The following IAPP variants were observed in gnomAD, a reference collection of about 807,000 sequenced individuals.
IAPP encodes islet amyloid polypeptide.
IAPP carries 4 observed loss-of-function variants against 2.9 expected under a neutral mutation model. The observed-to-expected ratio is 1.39, with a 90% CI of 0.69 to 3.19. The LOEUF (loss-of-function observed/expected upper bound fraction) is 3.19. Ranked by LOEUF, IAPP falls within the 30% of genes most tolerant of loss-of-function variation. The pLI is 0.01. For synonymous variants in IAPP, 40 were observed against 42.1 expected, an observed-to-expected ratio of 0.95 and a Z score of 0.19; for missense variants, 114 against 105.3, an observed-to-expected ratio of 1.08 and a Z score of -0.36.
At chr12:21,367,054 T>C (rs1162474377) in intron 1 of IAPP, among the ~76,000 whole-genome samples, 3 of 152,116 alleles carry the variant, frequency 2.0e-5, no homozygotes, top group Non-Finnish European at 4.4e-5. Context: ...CATATCAGCC[T>C]GAATTTAAAT....
chr12:21,378,668 G>A lies in IAPP; in HGVS notation c.*242G>A, dbSNP rs1469793742. 7 of 431,556 alleles carry A rather than the reference G, an allele frequency of 1.6e-5. No homozygotes were observed. The highest frequency in any genetic ancestry group is 5.9e-5 in the African/African-American group (3 of 50,728). 26.7% of individuals were successfully genotyped at this position (431,556 alleles called of 1,614,324 possible). A position where few individuals can be genotyped will look rare whatever the true frequency, so the allele number is the denominator to read the frequency against. Reference sequence around the variant, plus strand: ...GATTTGTATTTTAAAACATAAGAACGTCATTTTGGGACCTATATCTCAGTG... The same window carrying A: ...GATTTGTATTTTAAAACATAAGAACATCATTTTGGGACCTATATCTCAGTG... On this transcript the variant is annotated 3_prime_UTR_variant, in exon 3 of 3. Transcript: ENST00000240652.
Position 21,378,678 on chromosome 12 carries a change from G to A in IAPP, c.*252G>A. ...TTAAAACATAAGAACGTCATTTTGG[G>A]ACCTATATCTCAGTGGCACAGGTTT... On this transcript the variant is annotated 3_prime_UTR_variant, in exon 3 of 3. Transcript: ENST00000240652. 2.4e-6 allele frequency: 1 copy of A among 411,150 alleles called. No individual in the cohort carries two copies. The highest frequency in any genetic ancestry group is 4.4e-6 in the Non-Finnish European group (1 of 227,438). 25.5% of individuals were successfully genotyped at this position (411,150 alleles called of 1,614,324 possible). A position where few individuals can be genotyped will look rare whatever the true frequency, so the allele number is the denominator to read the frequency against.
intron 1 of IAPP, among the ~76,000 whole-genome samples, chr12:21,365,922 G>A (rs1034525222): frequency 1.3e-5 from 2 of 152,218 alleles, no homozygotes; most frequent in African/African-American, 4.8e-5. Flanking sequence ...AGGATGTGGA[G>A]AAATAGGAAC....
chr12:21,359,345 A>G (rs1204340215), intron 1 of IAPP, among the ~76,000 whole-genome samples: 1 of 152,156 alleles, frequency 6.6e-6, no homozygotes, highest in Non-Finnish European at 1.5e-5. Context: ...AAAATCAACT[A>G]AATTATAAAC....
intron 1 of IAPP, among the ~76,000 whole-genome samples, chr12:21,367,588 G>A (rs1204142292): frequency 6.6e-6 from 1 of 151,588 alleles, no homozygotes; most frequent in Non-Finnish European, 1.5e-5. Flanking sequence ...CTGAACAATC[G>A]AAAAAGAGGC....
chr12:21,369,756 A>C (rs1413711324), upstream of IAPP, among the ~76,000 whole-genome samples: 1 of 152,194 alleles, frequency 6.6e-6, no homozygotes, highest in African/African-American at 2.4e-5. Flanking sequence ...GGTGATGCAA[A>C]AGCTGCCAGC....
At chr12:21,355,729 A>G (rs1938315785) in intron 1 of IAPP, among the ~76,000 whole-genome samples, 1 of 152,190 alleles carries the variant, frequency 6.6e-6, no homozygotes. Flanking sequence ...ACAAAAATCA[A>G]ACTACTGTAA....
chr12:21,364,697 A>C (rs1463481508), intron 1 of IAPP, among the ~76,000 whole-genome samples: 1 of 152,208 alleles, frequency 6.6e-6, no homozygotes, highest in Non-Finnish European at 1.5e-5. Context: ...ACTTCAGCAA[A>C]ATCTCAGGAT....
upstream of IAPP, among the ~76,000 whole-genome samples, chr12:21,372,009 A>G (rs114486873): frequency 0.028 from 4,101 of 147,226 alleles, 193 homozygotes; most frequent in African/African-American, 0.11. Context: ...ATCTCAAAAA[A>G]AAAGAAAAAA....
At chr12:21,376,753 A>C (rs34417126) in intron 2 of IAPP, among the ~76,000 whole-genome samples, 29,976 of 151,954 alleles carry the variant, frequency 0.2, 3,143 homozygotes, top group African/African-American at 0.27. Context: ...CTCCCCACAC[A>C]AGGTAAACAC....
intron 2 of IAPP, among the ~76,000 whole-genome samples, chr12:21,374,997 T>A (rs2137100287): frequency 6.6e-6 from 1 of 152,144 alleles, no homozygotes; most frequent in South Asian, 2.1e-4. Context: ...TATCTTTATT[T>A]TATAGGGAAA....
At chr12:21,371,777 C>A (rs1456544425), upstream of IAPP, among the ~76,000 whole-genome samples, 1 of 151,932 alleles carries the variant, frequency 6.6e-6, no homozygotes, top group Non-Finnish European at 1.5e-5. Context: ...CAGAAGTGGG[C>A]GGATCACCTG....
intron 1 of IAPP, among the ~76,000 whole-genome samples, chr12:21,367,742 A>G (rs1305378971): frequency 6.6e-6 from 1 of 152,132 alleles, no homozygotes. Flanking sequence ...CAAAGTACCG[A>G]GACTACAAGA....
At chr12:21,364,931 T>G (rs1009636397) in intron 1 of IAPP, among the ~76,000 whole-genome samples, 6 of 152,218 alleles carry the variant, frequency 3.9e-5, no homozygotes, top group African/African-American at 1.4e-4. Context: ...TTCATGCTCG[T>G]GGATAGGAAG....
At chr12:21,361,558 A>C (rs1273952093) in intron 1 of IAPP, among the ~76,000 whole-genome samples, 1 of 152,246 alleles carries the variant, frequency 6.6e-6, no homozygotes, top group Non-Finnish European at 1.5e-5. Context: ...AGTTGACAGA[A>C]GAAGGCTTCA....
At chr12:21,355,679 G>A (rs949943915) in intron 1 of IAPP, among the ~76,000 whole-genome samples, 3 of 152,044 alleles carry the variant, frequency 2.0e-5, no homozygotes, top group African/African-American at 7.2e-5. Context: ...AAACACTTAG[G>A]ATTCTTACAG....
upstream of IAPP, among the ~76,000 whole-genome samples, chr12:21,372,536 T>C (rs1278217290): frequency 6.6e-6 from 1 of 152,202 alleles, no homozygotes; most frequent in East Asian, 1.9e-4. Context: ...GGTTTAGATA[T>C]ACCAAAAGTC....
intron 1 of IAPP, among the ~76,000 whole-genome samples, chr12:21,363,149 A>G (rs1194680653): frequency 2.0e-5 from 3 of 152,214 alleles, no homozygotes; most frequent in Non-Finnish European, 4.4e-5. Flanking sequence ...TTGGAAGTAA[A>G]GCACTCCTCA....
chr12:21,362,468 G>C (rs1422844630), intron 1 of IAPP, among the ~76,000 whole-genome samples: 1 of 152,076 alleles, frequency 6.6e-6, no homozygotes. Flanking sequence ...AAGACCATTG[G>C]TACTAGGAGG....
Sources: gnomAD v4.1 joint callset for allele counts (sites outside exome capture counted in the v4.1 genomes callset) on GRCh38, gnomAD v4.1.1 for gene constraint, MANE v1.5 for transcripts, NCBI Gene and HGNC (gene_info 2026-07-23, HGNC 2026-07-21) for gene names.